The following FCN2 variants were observed in gnomAD, a reference collection of about 807,000 sequenced individuals.
FCN2 encodes the protein ficolin 2, also known as ficolin-2.
Under a neutral mutation model 32.5 loss-of-function variants are expected in FCN2, and 31 were observed. That is an observed-to-expected ratio of 0.96 (90% CI 0.72 to 1.29). The LOEUF is 1.29. Ranked by LOEUF, FCN2 falls within the 50% of genes most tolerant of loss-of-function variation. The pLI, the probability that FCN2 is intolerant of heterozygous loss-of-function variation, is 0.00. For missense variants in FCN2, 412 were observed against 406.5 expected (o/e 1.01, Z -0.12); for synonymous variants, 181 against 164.5 (o/e 1.10, Z -0.77).
chr9:134,875,100 A>T, the FCN2 span, among the ~76,000 whole-genome samples: 10 of 152,306 alleles, frequency 6.6e-5, no homozygotes, highest in South Asian at 6.2e-4. Context: ...ATTTGATCAG[A>T]TTTTCTACAG....
At chr9:134,870,993 G>A in the FCN2 span, among the ~76,000 whole-genome samples, 8 of 152,296 alleles carry the variant, frequency 5.3e-5, no homozygotes, top group South Asian at 2.1e-4. This position sits in a 1 kb window ranked among gnomAD's most constrained non-coding sequence, Gnocchi z 4.3. Flanking sequence ...AGGCGACCTC[G>A]TTGCCAGCAC....
chr9:134,875,175 C>A, the FCN2 span, among the ~76,000 whole-genome samples: 3 of 152,216 alleles, frequency 2.0e-5, no homozygotes, highest in Non-Finnish European at 4.4e-5. Flanking sequence ...TGCATGACTT[C>A]TTTTTCTTGC....
Position 134,887,424 on chromosome 9 carries a change from G to T in FCN2, c.*9G>T, listed in dbSNP as rs375228443. 6.2e-7 allele frequency: 1 copy of T among 1,613,818 alleles called. No individual in the cohort carries two copies. The highest frequency in any genetic ancestry group is 1.3e-5 in the African/African-American group (1 of 75,018). On this transcript the variant is annotated 3_prime_UTR_variant, in exon 8 of 8. Coordinates refer to ENST00000291744, the MANE Select transcript of FCN2 (RefSeq NM_004108.3). ...AGGTGCGACCTGCCTAGCCCAGGCC[G>T]GCCTCAGGGTCAGGACGCCTCCACA...
intron 5 of FCN2, among the ~76,000 whole-genome samples, 169 bp from the exon 6 acceptor site, chr9:134,885,599 A>C (rs992937738): frequency 6.6e-6 from 1 of 151,744 alleles, no homozygotes; most frequent in Non-Finnish European, 1.5e-5. Context: ...CTGAGCCCCC[A>C]TTTCCTCCTT....
the FCN2 span, among the ~76,000 whole-genome samples, chr9:134,867,916 A>C: frequency 6.6e-6 from 1 of 152,332 alleles, no homozygotes; most frequent in South Asian, 2.1e-4. Flanking sequence ...GCTCTTTCTA[A>C]ATGCCATAAA....
chr9:134,881,059 G>A (rs1412522600), intron 1 of FCN2, 138 bp downstream of exon 1: 4 of 710,018 alleles, frequency 5.6e-6, no homozygotes, highest in Admixed American at 4.1e-5. Flanking sequence ...AGCTCTGCAT[G>A]CCTCATCTTA....
At chr9:134,865,420 C>G in the FCN2 span, among the ~76,000 whole-genome samples, 1 of 152,146 alleles carries the variant, frequency 6.6e-6, no homozygotes, top group African/African-American at 2.4e-5. Context: ...ATGGTGGGTC[C>G]CATGGAGAAA....
Position 134,887,318 on chromosome 9 carries a change from G to C in FCN2, c.845G>C (p.Gly282Ala). The change falls in exon 8 of 8, where the codon GGG becomes GCG. Residue 282 changes from glycine to alanine, a missense_variant. Gly to Ala is a moderately conservative substitution (Grantham distance 60). Coordinates refer to ENST00000291744, the MANE Select transcript of FCN2 (RefSeq NM_004108.3). Reference protein sequence around the residue: ...VSNLNGRYLRGTHGSFANGIN... With the variant: ...VSNLNGRYLRATHGSFANGIN... ...AACCTGAATGGTCGCTACCTCAGGG[G>C]GACTCATGGCAGCTTTGCAAATGGC... 5.6e-6 allele frequency: 9 copies of C among 1,614,124 alleles called. No individual in the cohort carries two copies. Among genetic ancestry groups the C allele is most frequent in the Non-Finnish European group, 6.8e-6 (8 of 1,179,976 alleles).
At chr9:134,873,984 C>T in the FCN2 span, among the ~76,000 whole-genome samples, 2 of 150,586 alleles carry the variant, frequency 1.3e-5, no homozygotes, top group East Asian at 3.9e-4. Context: ...AATCTTAGCT[C>T]ACTGCAACCT....
At chr9:134,880,362 T>C (rs1023283139), upstream of FCN2, among the ~76,000 whole-genome samples, 13 of 152,182 alleles carry the variant, frequency 8.5e-5, no homozygotes, top group Non-Finnish European at 1.8e-4. Flanking sequence ...CTGCTCATGA[T>C]GTGGTGAGGG....
intron 1 of FCN2, 22 bp from the exon 2 acceptor site, chr9:134,882,504 G>A: frequency 6.3e-7 from 1 of 1,578,842 alleles, no homozygotes; most frequent in Non-Finnish European, 8.7e-7. Flanking sequence ...GACACTGAGT[G>A]GCCACCTGTG....
intron 3 of FCN2, 99 bp downstream of exon 3, chr9:134,883,454 C>T (rs1033929950): frequency 2.1e-5 from 23 of 1,112,114 alleles, no homozygotes; most frequent in Middle Eastern, 2.2e-4. Context: ...ACGCTGTCCT[C>T]GCCAGAGCCA....
upstream of FCN2, among the ~76,000 whole-genome samples, chr9:134,879,972 G>A (rs1411960266): frequency 6.6e-6 from 1 of 152,126 alleles, no homozygotes; most frequent in Non-Finnish European, 1.5e-5. Flanking sequence ...AGGCGAGAGT[G>A]CACCTTCAGG....
the FCN2 span, among the ~76,000 whole-genome samples, chr9:134,864,699 G>C: frequency 6.6e-6 from 1 of 152,148 alleles, no homozygotes; most frequent in Non-Finnish European, 1.5e-5. Context: ...ACCTTAGAGC[G>C]ATCACACTCC....
chr9:134,884,959 C>G (rs1007080921), intron 4 of FCN2, among the ~76,000 whole-genome samples, 187 bp downstream of exon 4: 26 of 152,258 alleles, frequency 1.7e-4, no homozygotes, highest in African/African-American at 6.0e-4. Flanking sequence ...CTTACATACA[C>G]TCCATGGCAA....
At chr9:134,881,541 A>G (rs1465216465) in intron 1 of FCN2, among the ~76,000 whole-genome samples, 2 of 152,138 alleles carry the variant, frequency 1.3e-5, no homozygotes, top group Non-Finnish European at 2.9e-5. Flanking sequence ...TTGAAAATGC[A>G]GGTTCTGGAG....
chr9:134,884,213 C>T lies in FCN2; in HGVS notation c.269-527C>T, dbSNP rs533513830. On this transcript the variant is annotated intron_variant, in intron 3 of 7. Coordinates refer to ENST00000291744, the MANE Select transcript of FCN2 (RefSeq NM_004108.3). ...TCTTGAGGAATAAATTTTGAGGAAT[C>T]GGAGAAATACGCAGTAGGAAATTGA... Among the ~76,000 whole-genome samples, 6 of 152,214 alleles carry T rather than the reference C, an allele frequency of 3.9e-5. No individual in the cohort carries two copies. In the South Asian group the frequency reaches 6.2e-4, roughly 16 times the overall value.
rs763693133 is a variant in FCN2, at chr9:134,883,361, G to A, written c.268+6G>A. ...AGGACCACCTGGGCCCAACGGTAAG[G>A]AGGGGACAAGAGTGAGAAGCGGCTT... On this transcript the variant is annotated splice_donor_region_variant and intron_variant, in intron 3 of 7. Coordinates refer to ENST00000291744, the MANE Select transcript of FCN2 (RefSeq NM_004108.3). 3 of 1,612,924 alleles carry A rather than the reference G, an allele frequency of 1.9e-6. No individual in the cohort carries two copies. Among genetic ancestry groups the A allele is most frequent in the Non-Finnish European group, 2.5e-6 (3 of 1,179,036 alleles).
rs561842796 is a variant in FCN2 at position 134,882,787 on chromosome 9, A to G, written c.214+148A>G. Reference sequence around the variant, plus strand: ...GAAAAGAACTGACTCCCAGGGCCCAACAGGGTTCTGACATGGAGGGAGCGT... The same window carrying G: ...GAAAAGAACTGACTCCCAGGGCCCAGCAGGGTTCTGACATGGAGGGAGCGT... On this transcript the variant is annotated intron_variant, in intron 2 of 7. Coordinates refer to ENST00000291744, the MANE Select transcript of FCN2 (RefSeq NM_004108.3). 1,391 of 621,124 alleles carry G rather than the reference A, an allele frequency of 2.2e-3. 29 individuals are homozygous for G. In the South Asian group the frequency reaches 0.025, roughly 11 times the overall value. The allele number at this position is 621,124 out of a possible 1,614,324, so 38.5% of individuals were successfully genotyped here.
Sources: gnomAD v4.1 joint callset for allele counts (sites outside exome capture counted in the v4.1 genomes callset) on GRCh38, gnomAD v4.1.1 for gene constraint, Gnocchi (gnomAD v3.1) non-coding constraint, MANE v1.5 for transcripts, NCBI Gene and HGNC (gene_info 2026-07-23, HGNC 2026-07-21) for gene names.